PTPRD: variants seen among roughly 807,000 people sequenced by gnomAD.
PTPRD encodes the protein receptor-type tyrosine-protein phosphatase delta.
Under a neutral mutation model 214.5 loss-of-function variants are expected in PTPRD, and 34 were observed. That is an observed-to-expected ratio of 0.16 (90% CI 0.12 to 0.21). The LOEUF is 0.21. PTPRD is among the 10% of genes least tolerant of loss of function. The pLI is 1.00. For synonymous variants in PTPRD, 1,128 were observed against 845.7 expected (o/e 1.33, Z -5.79); for missense variants, 2,545 against 2,398.7 (o/e 1.06, Z -1.27).
intron 14 of PTPRD, among the ~76,000 whole-genome samples, chr9:8,626,175 A>T (rs1224614600): frequency 6.6e-6 from 1 of 151,886 alleles, no homozygotes; most frequent in Non-Finnish European, 1.5e-5. Flanking sequence ...CTGAATTTTT[A>T]AAAACTGCTC....
chr9:8,938,230 T>C (rs1001462711), intron 11 of PTPRD, among the ~76,000 whole-genome samples: 1 of 151,608 alleles, frequency 6.6e-6, no homozygotes, highest in Non-Finnish European at 1.5e-5. Flanking sequence ...GAGTTGGCAA[T>C]TGATTGGATT....
rs1464691487 is a variant in PTPRD at position 8,316,649 on chromosome 9, G to GA, written c.*1224dup. 2 of 230,698 alleles carry GA rather than the reference G, an allele frequency of 8.7e-6. No homozygotes were observed. The highest frequency in any genetic ancestry group is 4.4e-5 in the African/African-American group (2 of 45,128). The allele number at this position is 230,698 out of a possible 1,614,324, so 14.3% of individuals were successfully genotyped here. ...TAATTTTTATTGCACTAGAGTGTTA[G>GA]AAATATTGAACTTTGTTGGAAGCCT... On this transcript the variant is annotated 3_prime_UTR_variant, in exon 46 of 46. Transcript: ENST00000381196.
chr9:10,544,987 T>G (rs1229463769), intron 2 of PTPRD, among the ~76,000 whole-genome samples: 1 of 152,200 alleles, frequency 6.6e-6, no homozygotes, highest in Non-Finnish European at 1.5e-5. Context: ...TGGTCGCATC[T>G]CTCTTTTCTT....
intron 2 of PTPRD, among the ~76,000 whole-genome samples, chr9:10,378,437 T>A (rs923873037): frequency 8.5e-5 from 13 of 152,186 alleles, no homozygotes; most frequent in African/African-American, 3.1e-4. Flanking sequence ...AGTAGTTTTA[T>A]AGTTTGAGGT....
chr9:8,920,563 C>T (rs1313647589), intron 11 of PTPRD, among the ~76,000 whole-genome samples: 1 of 152,120 alleles, frequency 6.6e-6, no homozygotes, highest in Non-Finnish European at 1.5e-5. Context: ...AATACACTAA[C>T]ACTAATGATA....
At chr9:8,717,407 T>C (rs1465714636) in intron 12 of PTPRD, among the ~76,000 whole-genome samples, 1 of 152,202 alleles carries the variant, frequency 6.6e-6, no homozygotes, top group African/African-American at 2.4e-5. Flanking sequence ...GAATAAGTTT[T>C]GTATAGGGTC....
chr9:8,748,940 T>G (rs1306930121), intron 11 of PTPRD, among the ~76,000 whole-genome samples: 1 of 151,988 alleles, frequency 6.6e-6, no homozygotes, highest in Non-Finnish European at 1.5e-5. Context: ...TTTTCTAACT[T>G]GCACTTTAGA....
chr9:9,990,622 T>C (rs2095878871), intron 4 of PTPRD, among the ~76,000 whole-genome samples: 1 of 152,228 alleles, frequency 6.6e-6, no homozygotes, highest in Non-Finnish European at 1.5e-5. Flanking sequence ...TAGCTTCTTC[T>C]TAGAAAATAG....
At chr9:10,362,664 G>T (rs544524606) in intron 2 of PTPRD, among the ~76,000 whole-genome samples, 3 of 151,994 alleles carry the variant, frequency 2.0e-5, no homozygotes, top group Non-Finnish European at 4.4e-5. Flanking sequence ...GGCAGATCAC[G>T]AGGTCAGGAG....
intron 2 of PTPRD, among the ~76,000 whole-genome samples, chr9:10,383,328 C>A (rs752282878): frequency 2.6e-5 from 4 of 151,736 alleles, no homozygotes; most frequent in Non-Finnish European, 5.9e-5. Flanking sequence ...AAAGAGAATG[C>A]CTTTAATTAA....
intron 3 of PTPRD, among the ~76,000 whole-genome samples, chr9:10,093,512 G>C (rs2098453231): frequency 6.6e-6 from 1 of 151,458 alleles, no homozygotes; most frequent in Non-Finnish European, 1.5e-5. Context: ...ATCCAAATTA[G>C]TTCAGCCACT....
At chr9:8,336,806 C>T (rs987874367) in intron 43 of PTPRD, among the ~76,000 whole-genome samples, 1 of 152,148 alleles carries the variant, frequency 6.6e-6, no homozygotes, top group African/African-American at 2.4e-5. Context: ...TGAACAGACA[C>T]TTCTCAGAAG....
chr9:8,468,742 C>T (rs946628053), intron 31 of PTPRD, among the ~76,000 whole-genome samples: 1 of 149,860 alleles, frequency 6.7e-6, no homozygotes, highest in Non-Finnish European at 1.5e-5. Context: ...CTTTGTCAAA[C>T]CTGGCAGTAT....
At chr9:10,194,335 TATATATATATAGAGAGAGAGAGAGAG>T (rs60027005) in intron 3 of PTPRD, among the ~76,000 whole-genome samples, 1,127 of 66,150 alleles carry the variant, frequency 0.017, 3 homozygotes, top group Middle Eastern at 0.04. Context: ...TATATATATA[TATATATATATAGAGAGAGAGAGAGAG>T]AGAGAGAGAG....
At chr9:9,075,114 T>C (rs936808242) in intron 10 of PTPRD, among the ~76,000 whole-genome samples, 1 of 152,096 alleles carries the variant, frequency 6.6e-6, no homozygotes, top group African/African-American at 2.4e-5. Flanking sequence ...TTATTATAAT[T>C]ATTTTGCTTT....
intron 3 of PTPRD, among the ~76,000 whole-genome samples, chr9:10,098,702 A>G (rs751881388): frequency 1.5e-4 from 22 of 151,682 alleles, no homozygotes; most frequent in Non-Finnish European, 2.9e-4. Context: ...GTCAGTTTTT[A>G]ATGTTCTAAA....
At chr9:8,562,337 G>T (rs1024426176) in intron 14 of PTPRD, among the ~76,000 whole-genome samples, 2 of 151,930 alleles carry the variant, frequency 1.3e-5, no homozygotes, top group African/African-American at 2.4e-5. Context: ...TAATTATATT[G>T]TCACCTTTCT....
At chr9:10,359,045 T>C (rs1452830097) in intron 2 of PTPRD, among the ~76,000 whole-genome samples, 1 of 151,998 alleles carries the variant, frequency 6.6e-6, no homozygotes, top group Non-Finnish European at 1.5e-5. Context: ...TGTATATATA[T>C]TACAAGTCTA....
chr9:9,241,632 T>A (rs988303337), intron 9 of PTPRD, among the ~76,000 whole-genome samples: 1 of 152,158 alleles, frequency 6.6e-6, no homozygotes, highest in East Asian at 1.9e-4. Flanking sequence ...CTTTGTTGGT[T>A]TAAAGCCTGT....
Sources: gnomAD v4.1 joint callset for allele counts (sites outside exome capture counted in the v4.1 genomes callset) on GRCh38, gnomAD v4.1.1 for gene constraint, MANE v1.5 for transcripts, NCBI Gene and HGNC (gene_info 2026-07-23, HGNC 2026-07-21) for gene names.